The following BIRC6 variants were observed in gnomAD, a reference collection of about 807,000 sequenced individuals.
BIRC6 encodes baculoviral IAP repeat containing 6.
BIRC6 carries 98 observed loss-of-function variants against 503.3 expected under a neutral mutation model. The ratio of observed to expected loss-of-function variants is 0.19; its 90% CI spans 0.17 to 0.23. BIRC6 has a LOEUF of 0.23. Among genes scored for constraint, BIRC6 ranks in the 10% least tolerant of loss-of-function variants. The probability of loss-of-function intolerance (pLI) is 1.00; values close to 1 mark genes in which losing one functional copy is unlikely to be tolerated. For synonymous variants in BIRC6, 2,240 were observed against 2,078.7 expected, an observed-to-expected ratio of 1.08 and a Z score of -2.11; for missense variants, 5,360 against 5,806.0, an observed-to-expected ratio of 0.92 and a Z score of 2.50.
At chr2:32,405,540 C>T (rs2041106651) in intron 8 of BIRC6, among the ~76,000 whole-genome samples, 1 of 152,094 alleles carries the variant, frequency 6.6e-6, no homozygotes, top group Non-Finnish European at 1.5e-5. Flanking sequence ...GGTGCGGTGG[C>T]TTATGTTTGT....
intron 72 of BIRC6, among the ~76,000 whole-genome samples, chr2:32,609,234 C>T (rs954130729): frequency 1.3e-5 from 2 of 151,482 alleles, no homozygotes; most frequent in Non-Finnish European, 1.5e-5. Flanking sequence ...TTTCCAAAAC[C>T]TGTATTAATA....
intron 66 of BIRC6, among the ~76,000 whole-genome samples, chr2:32,579,499 G>T (rs137893667): frequency 6.6e-6 from 1 of 152,046 alleles, no homozygotes; most frequent in Admixed American, 6.6e-5. Flanking sequence ...ACCAGCCTTG[G>T]CAACATAGGG....
intron 1 of BIRC6, among the ~76,000 whole-genome samples, chr2:32,364,332 C>A (rs1332024706): frequency 6.6e-6 from 1 of 152,080 alleles, no homozygotes; most frequent in South Asian, 2.1e-4. Flanking sequence ...CTCTGCCTCC[C>A]GGGTTCAAGC....
intron 61 of BIRC6, chr2:32,532,288 T>A (rs2056849249): frequency 2.1e-6 from 1 of 483,160 alleles, no homozygotes; most frequent in South Asian, 1.5e-5. Flanking sequence ...TTGAGGAGGC[T>A]GTAAGTCTGA....
At chr2:32,551,929 G>T (rs867969996) in intron 65 of BIRC6, among the ~76,000 whole-genome samples, 30 of 152,268 alleles carry the variant, frequency 2.0e-4, no homozygotes, top group African/African-American at 7.0e-4. Context: ...AATTTTGCCT[G>T]AGACATTGTA....
At chr2:32,440,863 A>C (rs1174703956) in intron 16 of BIRC6, among the ~76,000 whole-genome samples, 1 of 151,810 alleles carries the variant, frequency 6.6e-6, no homozygotes, top group African/African-American at 2.4e-5. Flanking sequence ...ACTGAGTTCA[A>C]GTGAATCTCT....
intron 11 of BIRC6, 39 bp from the exon 12 acceptor site, chr2:32,430,826 T>TTTTTTC: frequency 1.1e-6 from 1 of 939,276 alleles, no homozygotes; most frequent in Non-Finnish European, 1.6e-6. Context: ...TTTTTTTTTT[T>TTTTTTC]CCACACCTAT....
At chr2:32,510,119 C>T (rs112954479) in intron 52 of BIRC6, 125 bp downstream of exon 52, 13,922 of 1,138,972 alleles carry the variant, frequency 0.012, 251 homozygotes, top group African/African-American at 0.074. Flanking sequence ...GTTTATCTCT[C>T]CTCTCTTCTC....
At chr2:32,516,909 A>G (rs2055110814) in intron 55 of BIRC6, among the ~76,000 whole-genome samples, 1 of 152,208 alleles carries the variant, frequency 6.6e-6, no homozygotes, top group Non-Finnish European at 1.5e-5. Context: ...TATATGAGAT[A>G]TGGTAGACAC....
chr2:32,434,187 G>A (rs750161193), intron 13 of BIRC6, among the ~76,000 whole-genome samples: 10 of 152,124 alleles, frequency 6.6e-5, no homozygotes, highest in Non-Finnish European at 1.5e-4. Context: ...TTCATGTAAT[G>A]CTAAAAATAC....
intron 10 of BIRC6, among the ~76,000 whole-genome samples, chr2:32,417,134 G>A (rs2042463945): frequency 6.6e-6 from 1 of 151,804 alleles, no homozygotes; most frequent in East Asian, 1.9e-4. Flanking sequence ...ACCATGCCAG[G>A]CCTTTTCTTT....
chr2:32,467,678 T>A lies in BIRC6; in HGVS notation c.5510T>A (p.Ile1837Lys). ...DGRRLVVATD[I>K]STHSLILHDL... The stretch of plus-strand genomic sequence containing the variant: ...AGGCGGTTGGTAGTGGCAACTGATA[T>A]AAGCACTCATTCACTAATTCTTCAT... Residue 1837 changes from isoleucine (I) to lysine (K), a missense_variant, in exon 27 of 74, where the codon ATA becomes AAA. Ile to Lys is a moderately radical substitution (Grantham distance 102). Around this residue, in one of 16 missense-constraint regions of BIRC6, gnomAD observed 2,299 missense variants for 2,267.2 expected, o/e 1.01. Coordinates refer to ENST00000421745, the MANE Select transcript of BIRC6 (RefSeq NM_016252.4). The A allele has an allele frequency of 1.2e-6, 2 of 1,613,900 alleles. No homozygotes were observed. Among genetic ancestry groups the A allele is most frequent in the Non-Finnish European group, 1.7e-6 (2 of 1,179,864 alleles).
intron 20 of BIRC6, among the ~76,000 whole-genome samples, chr2:32,444,446 A>G (rs549744507): frequency 2.6e-5 from 4 of 152,366 alleles, no homozygotes; most frequent in Non-Finnish European, 4.4e-5. Context: ...TCTCTAAAAT[A>G]GCACATATAT....
intron 22 of BIRC6, among the ~76,000 whole-genome samples, chr2:32,449,823 A>G (rs965942378): frequency 2.0e-5 from 3 of 152,224 alleles, no homozygotes; most frequent in African/African-American, 4.8e-5. Flanking sequence ...TCGTTAATAT[A>G]GTTTCTAATG....
chr2:32,361,505 A>G (rs1339297141), intron 1 of BIRC6, among the ~76,000 whole-genome samples: 1 of 152,124 alleles, frequency 6.6e-6, no homozygotes, highest in Non-Finnish European at 1.5e-5. Flanking sequence ...ACCATCCGTG[A>G]TCTTAGCACT....
At position 32,602,992 on chromosome 2, in the gene BIRC6, T is replaced by C. The variant is rs2151562744; in HGVS notation, c.13993-14T>C. ...TCTTTTTTCAATTCTGTTTATGCTT[T>C]TTTCGTTCGTCAGGTTTGTTTAAGC... is the stretch of plus-strand genomic sequence containing the variant. On this transcript the variant is annotated splice_polypyrimidine_tract_variant and intron_variant, in intron 70 of 73. Transcript: ENST00000421745. 6.3e-7 allele frequency: 1 copy of C among 1,594,954 alleles called. No homozygotes were observed. Among genetic ancestry groups the C allele is most frequent in the Non-Finnish European group, 8.5e-7 (1 of 1,174,762 alleles).
At position 32,534,730 on chromosome 2, in the gene BIRC6, C is replaced by CAAAAAAA. The variant is rs770672789; in HGVS notation, c.12291+3202_12291+3208dup. 5.4e-4 allele frequency among the ~76,000 whole-genome samples: 12 copies of CAAAAAAA among 22,320 alleles called. 2 individuals carry two copies. The highest frequency in any genetic ancestry group is 1.4e-3 in the African/African-American group (10 of 7,246). 14.6% of individuals were successfully genotyped at this position (22,320 alleles called of 152,430 possible). A position where few individuals can be genotyped will look rare whatever the true frequency, so the allele number is the denominator to read the frequency against. ...TGGGTGACAGAGCAAGACTCTGTCT[C>CAAAAAAA]AAAAAAAAAAAAAAAAAAAAAAAAA... On this transcript the variant is annotated intron_variant, in intron 61 of 73. Transcript: ENST00000421745.
At position 32,439,656 on chromosome 2, in the gene BIRC6, T is replaced by C; in HGVS notation, c.3780T>C (p.Ala1260=). The C allele has an allele frequency of 2.5e-6, 4 of 1,613,870 alleles. No homozygotes were observed. The highest frequency in any genetic ancestry group is 3.4e-6 in the Non-Finnish European group (4 of 1,179,838). ...KHQSNKGYSL[A]SLLAKVAAGK... The stretch of plus-strand genomic sequence containing the variant: ...AGAGTAACAAGGGTTATTCACTTGC[T>C]TCACTTTTGGCTAAAGTTGCAGCAG... Residue 1260 remains alanine, a synonymous_variant, in exon 16 of 74, where the codon GCT becomes GCC. Transcript: ENST00000421745.
chr2:32,371,952 C>T (rs1443600964), intron 1 of BIRC6, among the ~76,000 whole-genome samples: 1 of 151,868 alleles, frequency 6.6e-6, no homozygotes, highest in Non-Finnish European at 1.5e-5. Flanking sequence ...ATTACAGGTG[C>T]CTGCCACCGT....
Sources: gnomAD v4.1 joint callset for allele counts (sites outside exome capture counted in the v4.1 genomes callset) on GRCh38, gnomAD v4.1.1 for gene constraint, gnomAD v4.1.1 regional missense constraint, MANE v1.5 for transcripts, NCBI Gene and HGNC (gene_info 2026-07-23, HGNC 2026-07-21) for gene names.